PADI4: variants seen among roughly 807,000 people sequenced by gnomAD.
PADI4 encodes protein-arginine deiminase type-4.
PADI4 carries 62 observed loss-of-function variants against 75.0 expected under a neutral mutation model. The ratio of observed to expected loss-of-function variants is 0.83; its 90% CI spans 0.67 to 1.02. The LOEUF (loss-of-function observed/expected upper bound fraction) is 1.02. Ranked by LOEUF, PADI4 falls within the 50% of genes least tolerant of loss-of-function variation. PADI4 has a pLI of 0.00. For missense variants in PADI4, 845 were observed against 850.5 expected (o/e 0.99, Z 0.08); for synonymous variants, 361 against 348.1 (o/e 1.04, Z -0.41).
Position 17,359,273 on chromosome 1 carries a change from C to T in PADI4, c.1630-7C>T, listed in dbSNP as rs1328726679. On this transcript the variant is annotated splice_region_variant and splice_polypyrimidine_tract_variant and intron_variant, in intron 14 of 15. Transcript: ENST00000375448. ...CCCCCACTCACTGCCCCTGCCCCTTCCCCAAGAGATGCATCGACTGGAACC... is the reference window on the plus strand; with the variant it reads ...CCCCCACTCACTGCCCCTGCCCCTTTCCCAAGAGATGCATCGACTGGAACC... The T allele has an allele frequency of 2.7e-6, 4 of 1,485,768 alleles. No individual in the cohort carries two copies. Among genetic ancestry groups the T allele is most frequent in the East Asian group, 2.7e-5 (1 of 37,296 alleles). The allele number at this position is 1,485,768 out of a possible 1,614,324, so 92.0% of individuals were successfully genotyped here. A position where few individuals can be genotyped will look rare whatever the true frequency, so the allele number is the denominator to read the frequency against.
chr1:17,356,180 C>G lies in PADI4; in HGVS notation c.1455+53C>G, dbSNP rs771389009. On this transcript the variant is annotated intron_variant, in intron 12 of 15. Coordinates refer to ENST00000375448, the MANE Select transcript of PADI4 (RefSeq NM_012387.3). This position sits in a 1 kb window ranked among gnomAD's most constrained non-coding sequence, Gnocchi z 4.1. Reference sequence around the variant, plus strand: ...GCCATGCCTCCTTCCTGGGTAGACCCTCTGCCTGGGGTGGGAGCAACTTTA... The same window carrying G: ...GCCATGCCTCCTTCCTGGGTAGACCGTCTGCCTGGGGTGGGAGCAACTTTA... 1 of 1,582,630 alleles carries G rather than the reference C, an allele frequency of 6.3e-7. No homozygotes were observed. Among genetic ancestry groups the G allele is most frequent in the Non-Finnish European group, 8.6e-7 (1 of 1,157,084 alleles).
At chr1:17,324,878 T>C (rs1394667304) in intron 1 of PADI4, among the ~76,000 whole-genome samples, 2 of 152,266 alleles carry the variant, frequency 1.3e-5, no homozygotes, top group African/African-American at 4.8e-5. Flanking sequence ...TCCAGCAACA[T>C]TTATGATATA....
rs977253881 is a variant in PADI4, at chr1:17,336,222, A to C, written c.404A>C (p.Asp135Ala). 6.8e-6 allele frequency: 11 copies of C among 1,612,748 alleles called. No individual in the cohort carries two copies. The highest frequency in any genetic ancestry group is 9.3e-6 in the Non-Finnish European group (11 of 1,178,848). ...GKVKPTRAVK[D>A]QRTWTWGPCG... ...GTGAAGCCAACCAGAGCTGTGAAAG[A>C]TCAGGTACCACTCACCCAAACGCTC... is the stretch of plus-strand genomic sequence containing the variant. Residue 135 changes from aspartate (D) to alanine (A), a missense_variant, in exon 4 of 16, where the codon GAT becomes GCT. Asp to Ala is a moderately radical substitution (Grantham distance 126). Transcript: ENST00000375448.
rs192172655 is a variant in PADI4, at chr1:17,344,146, C to T, written c.935+1744C>T. ...ATGAGGAACTTGTTGGGAACCGGAG[C>T]AAAGGTGACTCTTGTTATGTTTTAG... On this transcript the variant is annotated intron_variant, in intron 8 of 15. Transcript: ENST00000375448. 3.6e-3 allele frequency among the ~76,000 whole-genome samples: 545 copies of T among 152,266 alleles called. 3 individuals carry two copies. Among genetic ancestry groups the T allele is most frequent in the African/African-American group, 0.012 (516 of 41,550 alleles).
intron 6 of PADI4, among the ~76,000 whole-genome samples, chr1:17,340,027 TTC>T (rs1028524467): frequency 1.4e-5 from 2 of 141,294 alleles, no homozygotes; most frequent in Admixed American, 1.5e-4. Flanking sequence ...CTGCTTTTCT[TTC>T]TCTCTCTCTC....
chr1:17,359,298 C>A lies in PADI4; in HGVS notation c.1648C>A (p.Arg550Ser). The stretch of plus-strand genomic sequence containing the variant: ...CCCCAAGAGATGCATCGACTGGAAC[C>A]GCGAGCTGCTGAAGCGGGAGCTGGG... ...SFVERCIDWN[R>S]ELLKRELGLA... Residue 550 changes from arginine (R) to serine (S), a missense_variant, in exon 15 of 16, where the codon CGC (arginine) becomes AGC (serine). Arg to Ser is a moderately radical substitution (Grantham distance 110, BLOSUM62 -1). Transcript: ENST00000375448. 1 of 1,612,060 alleles carries A rather than the reference C, an allele frequency of 6.2e-7. No homozygotes were observed. Among genetic ancestry groups the A allele is most frequent in the Non-Finnish European group, 8.5e-7 (1 of 1,179,168 alleles).
At chr1:17,320,460 T>G (rs1030921068) in intron 1 of PADI4, among the ~76,000 whole-genome samples, 1 of 152,154 alleles carries the variant, frequency 6.6e-6, no homozygotes, top group African/African-American at 2.4e-5. Context: ...ATTTTTATGG[T>G]TATTTCTTGA....
chr1:17,311,859 G>A (rs996171446), intron 1 of PADI4, among the ~76,000 whole-genome samples: 1 of 152,156 alleles, frequency 6.6e-6, no homozygotes, highest in African/African-American at 2.4e-5. Flanking sequence ...TGGCATGACA[G>A]TGGGGAGCCT....
At chr1:17,333,795 C>T (rs991000076) in intron 2 of PADI4, 148 bp from the exon 3 acceptor site, 18 of 586,644 alleles carry the variant, frequency 3.1e-5, no homozygotes, top group Middle Eastern at 4.5e-4. Context: ...CCATTCCCAT[C>T]GGATGGGGCC....
chr1:17,358,759 T>TCC (rs149245951), intron 13 of PADI4, 79 bp from the exon 14 acceptor site: 16 of 867,370 alleles, frequency 1.8e-5, no homozygotes, highest in Non-Finnish European at 2.8e-5. Flanking sequence ...GAACACTGAG[T>TCC]CCCCCCCCGG....
intron 6 of PADI4, among the ~76,000 whole-genome samples, chr1:17,341,633 C>A (rs2074420072): frequency 1.3e-5 from 2 of 152,214 alleles, no homozygotes; most frequent in Non-Finnish European, 2.9e-5. Context: ...GCCCCTGTCC[C>A]CCGCTGACAT....
At position 17,358,886 on chromosome 1, in the gene PADI4, GA is replaced by G; in HGVS notation, c.1608del (p.Glu537AsnfsTer17). 6 of 1,608,636 alleles carry G rather than the reference GA, an allele frequency of 3.7e-6. No individual in the cohort carries two copies. Among genetic ancestry groups the G allele is most frequent in the African/African-American group, 1.3e-5 (1 of 74,852 alleles). On this transcript the variant is annotated frameshift_variant, in exon 14 of 16. Transcript: ENST00000375448. LOFTEE classifies it high-confidence loss of function. Reference protein sequence around the residue: ...IKNILSNKTLREHNSFVERCI... With the variant: ...IKNILSNKTLXEHNSFVERCI... ...AACATTCTGTCAAACAAGACATTGA[GA>G]GAACATAATTCATTTGTGGAGGTAG...
chr1:17,312,794 G>A (rs996063084), intron 1 of PADI4, among the ~76,000 whole-genome samples: 4 of 151,610 alleles, frequency 2.6e-5, no homozygotes, highest in Admixed American at 6.6e-5. Context: ...ACTGGTTCAC[G>A]GGAAAGATCT....
Position 17,339,690 on chromosome 1 carries a change from CT to C in PADI4, c.530del (p.Leu177ArgfsTer6), listed in dbSNP as rs1256515748. 3.1e-6 allele frequency: 5 copies of C among 1,613,826 alleles called. No individual in the cohort carries two copies. Among genetic ancestry groups the C allele is most frequent in the Non-Finnish European group, 4.2e-6 (5 of 1,179,946 alleles). Reference sequence around the variant, plus strand: ...AGGCAATGCCCTTCTCATCCCAGACCTGCAGGACATGTCGCTGATGACCCTG... The same window carrying C: ...AGGCAATGCCCTTCTCATCCCAGACCGCAGGACATGTCGCTGATGACCCTG... The part of the protein sequence containing the change: ...EDDEVLDSED[L>X]QDMSLMTLST... On this transcript the variant is annotated frameshift_variant, in exon 6 of 16. Coordinates refer to ENST00000375448, the MANE Select transcript of PADI4 (RefSeq NM_012387.3). LOFTEE classifies it high-confidence loss of function.
At position 17,339,775 on chromosome 1, in the gene PADI4, G is replaced by C; in HGVS notation, c.614G>C (p.Arg205Thr). 1 of 1,613,026 alleles carries C rather than the reference G, an allele frequency of 6.2e-7. No homozygotes were observed. The highest frequency in any genetic ancestry group is 8.5e-7 in the Non-Finnish European group (1 of 1,179,498). Residue 205 changes from arginine to threonine, a missense_variant, in exon 6 of 16, where the codon AGG becomes ACG. Transcript: ENST00000375448. ...CATACACTGGTGCTCCACGTGGCCA[G>C]GTCTGAGATGGACAAAGTGAGGGTG... ...TNHTLVLHVA[R>T]SEMDKVRVFQ...
intron 1 of PADI4, among the ~76,000 whole-genome samples, chr1:17,320,386 A>T (rs1178562972): frequency 6.6e-6 from 1 of 152,242 alleles, no homozygotes; most frequent in African/African-American, 2.4e-5. Flanking sequence ...TTTATTAAGA[A>T]CGCAAAGGAA....
chr1:17,346,024 C>G lies in PADI4; in HGVS notation c.936-4C>G, dbSNP rs75028895. On this transcript the variant is annotated splice_region_variant and splice_polypyrimidine_tract_variant and intron_variant, in intron 8 of 15. Coordinates refer to ENST00000375448, the MANE Select transcript of PADI4 (RefSeq NM_012387.3). This position sits in a 1 kb window ranked among gnomAD's most constrained non-coding sequence, Gnocchi z 4.3. ...CTAAGGAGCTGCTTTTCTGCTCTCT[C>G]TAGTATTTTTGAAAATGAGGACTTC... is the stretch of plus-strand genomic sequence containing the variant. 847 of 1,578,080 alleles carry G rather than the reference C, an allele frequency of 5.4e-4. 7 individuals carry two copies. The African/African-American group carries it at 0.01, about 19-fold the overall frequency.
At chr1:17,347,065 G>C (rs1452224802) in intron 9 of PADI4, among the ~76,000 whole-genome samples, 3 of 152,014 alleles carry the variant, frequency 2.0e-5, no homozygotes, top group African/African-American at 7.2e-5. Flanking sequence ...AGCCTCCTGA[G>C]TAGCTGTAAT....
chr1:17,333,810 C>A, intron 2 of PADI4, 133 bp from the exon 3 acceptor site: 1 of 651,832 alleles, frequency 1.5e-6, no homozygotes, highest in Non-Finnish European at 2.8e-6. Flanking sequence ...GGGGCCACTC[C>A]TTACAGGCTA....
Sources: allele counts gnomAD v4.1 joint callset (sites outside exome capture counted in the v4.1 genomes callset), GRCh38; gene constraint gnomAD v4.1.1; non-coding constraint Gnocchi (gnomAD v3.1); transcripts MANE v1.5; gene names NCBI Gene and HGNC (gene_info 2026-07-23, HGNC 2026-07-21).